PLEKHM1: variants seen among roughly 807,000 people sequenced by gnomAD.
The protein encoded by PLEKHM1 is pleckstrin homology and RUN domain containing M1, also known as pleckstrin homology domain-containing family M member 1.
PLEKHM1 carries 28 observed loss-of-function variants against 94.3 expected under a neutral mutation model. The observed-to-expected ratio is 0.30, with a 90% CI of 0.22 to 0.41. PLEKHM1 has a LOEUF of 0.41. Ranked by LOEUF, PLEKHM1 falls within the 10% of genes least tolerant of loss-of-function variation. The pLI is 1.00. For missense variants in PLEKHM1, 907 were observed against 1,358.6 expected (o/e 0.67, Z 5.22); for synonymous variants, 424 against 581.2 (o/e 0.73, Z 3.89).
At chr17:45,471,633 A>G (rs2051516273) in intron 4 of PLEKHM1, among the ~76,000 whole-genome samples, 3 of 151,968 alleles carry the variant, frequency 2.0e-5, no homozygotes, top group South Asian at 4.1e-4. Flanking sequence ...GCAGGCCCCT[A>G]TAATCCCAGC....
chr17:45,455,517 C>G (rs2145226837), intron 6 of PLEKHM1, among the ~76,000 whole-genome samples: 1 of 152,240 alleles, frequency 6.6e-6, no homozygotes, highest in East Asian at 1.9e-4. Context: ...TCTCAGCTGA[C>G]ATGTCCAGGA....
intron 7 of PLEKHM1, among the ~76,000 whole-genome samples, chr17:45,451,778 G>A (rs1349600857): frequency 6.6e-6 from 1 of 152,098 alleles, no homozygotes; most frequent in East Asian, 1.9e-4. Context: ...CATGGTGAGA[G>A]TTGCCCCCGC....
chr17:45,465,837 G>A (rs866491404), intron 5 of PLEKHM1, among the ~76,000 whole-genome samples: 23 of 151,994 alleles, frequency 1.5e-4, no homozygotes, highest in Non-Finnish European at 2.6e-4. Context: ...CAGCTTTGAG[G>A]CCCTGGCAAG....
intron 5 of PLEKHM1, among the ~76,000 whole-genome samples, chr17:45,461,958 T>C: frequency 6.6e-6 from 1 of 152,122 alleles, no homozygotes; most frequent in Non-Finnish European, 1.5e-5. Context: ...CCACTCTAAG[T>C]GGCTGTGTAC....
At chr17:45,473,089 A>G (rs2051568560) in intron 4 of PLEKHM1, among the ~76,000 whole-genome samples, 1 of 152,016 alleles carries the variant, frequency 6.6e-6, no homozygotes, top group Non-Finnish European at 1.5e-5. Flanking sequence ...TAAATGGGCA[A>G]TAATCTGTGA....
intron 1 of PLEKHM1, among the ~76,000 whole-genome samples, chr17:45,486,580 A>G (rs1197967617): frequency 6.6e-6 from 1 of 152,154 alleles, no homozygotes; most frequent in Admixed American, 6.5e-5. Context: ...TCTCAAAAAA[A>G]AAAATTAATA....
chr17:45,484,265 C>G, intron 1 of PLEKHM1, among the ~76,000 whole-genome samples: 1 of 152,026 alleles, frequency 6.6e-6, no homozygotes, highest in Non-Finnish European at 1.5e-5. Context: ...GCAGAGATTC[C>G]CTTCCCTTTC....
intron 5 of PLEKHM1, among the ~76,000 whole-genome samples, chr17:45,462,833 G>A (rs968702467): frequency 2.6e-5 from 4 of 152,190 alleles, no homozygotes; most frequent in Non-Finnish European, 5.9e-5. Context: ...TGTAATCCCA[G>A]CACTTTGGGA....
In PLEKHM1 at chr17:45,476,059, A is replaced by G. The variant is rs1459863661; in HGVS notation, c.297-333T>C. Reference sequence around the variant, plus strand: ...CCAGCTACTCGGGAGGTTGAGGTGGAAGGATAGCTTGAGCCTGGGAAGCAA... The same window carrying G: ...CCAGCTACTCGGGAGGTTGAGGTGGGAGGATAGCTTGAGCCTGGGAAGCAA... On this transcript the variant is annotated intron_variant, in intron 3 of 11. Transcript: ENST00000430334. 1.3e-4 allele frequency: 50 copies of G among 375,614 alleles called. No individual in the cohort carries two copies. The Admixed American group carries it at 2.0e-3, about 15-fold the overall frequency. The allele number at this position is 375,614 out of a possible 1,614,324, so 23.3% of individuals were successfully genotyped here. A position where few individuals can be genotyped will look rare whatever the true frequency, so the allele number is the denominator to read the frequency against.
rs2050822315 is a variant in PLEKHM1 at position 45,453,160 on chromosome 17, A to G, written c.2497+195T>C. 2 of 639,894 alleles carry G rather than the reference A, an allele frequency of 3.1e-6. No individual in the cohort carries two copies. Among genetic ancestry groups the G allele is most frequent in the Non-Finnish European group, 5.6e-6 (2 of 355,970 alleles). The allele number at this position is 639,894 out of a possible 1,614,324, so 39.6% of individuals were successfully genotyped here. A position where few individuals can be genotyped will look rare whatever the true frequency, so the allele number is the denominator to read the frequency against. On this transcript the variant is annotated intron_variant, in intron 7 of 11. Transcript: ENST00000430334. This position sits in a 1 kb window ranked among gnomAD's most constrained non-coding sequence, Gnocchi z 4.1. ...GACGGGTGAGCAGGGCCCACTGCCTATGAGCAGGGCACTGGCCCCAGCCGG... is the reference window on the plus strand; with the variant it reads ...GACGGGTGAGCAGGGCCCACTGCCTGTGAGCAGGGCACTGGCCCCAGCCGG...
chr17:45,438,393 G>A (rs1156616336), intron 11 of PLEKHM1, among the ~76,000 whole-genome samples: 1 of 151,814 alleles, frequency 6.6e-6, no homozygotes, highest in Non-Finnish European at 1.5e-5. Context: ...TTAGCCGGGC[G>A]TGGCGGTGTG....
chr17:45,439,269 C>T (rs1390445516), intron 11 of PLEKHM1, among the ~76,000 whole-genome samples: 1 of 152,258 alleles, frequency 6.6e-6, no homozygotes, highest in Non-Finnish European at 1.5e-5. Context: ...GAAAGCTTGT[C>T]TTGTCCCCTG....
rs537727980 is a variant in PLEKHM1, at chr17:45,468,087, C to G, written c.1308+122G>C. 31 of 1,074,660 alleles carry G rather than the reference C, an allele frequency of 2.9e-5. No individual in the cohort carries two copies. The Admixed American group carries it at 5.8e-4, about 20-fold the overall frequency. The allele number at this position is 1,074,660 out of a possible 1,614,324, so 66.6% of individuals were successfully genotyped here. On this transcript the variant is annotated intron_variant, in intron 5 of 11. Transcript: ENST00000430334. ...CATCATGATGCTATTAACACTATCACTATGCAGGGAGAGGAAGGCTAACAG... is the reference window on the plus strand; with the variant it reads ...CATCATGATGCTATTAACACTATCAGTATGCAGGGAGAGGAAGGCTAACAG...
rs368663347 is a variant in PLEKHM1 at position 45,485,988 on chromosome 17, C to G, written c.-41-3463G>C. On this transcript the variant is annotated intron_variant, in intron 1 of 11. Transcript: ENST00000430334. The stretch of plus-strand genomic sequence containing the variant: ...TCCCAGCACTTTGGGAGGCCGAGGC[C>G]GGCGGATCACGAGGTCAGGAGATCG... 1.5e-3 allele frequency among the ~76,000 whole-genome samples: 213 copies of G among 139,892 alleles called. No individual in the cohort carries two copies. In the Middle Eastern group the frequency reaches 0.021, roughly 14 times the overall value. The allele number at this position is 139,892 out of a possible 152,430, so 91.8% of individuals were successfully genotyped here.
chr17:45,470,813 A>G (rs1384097052), intron 4 of PLEKHM1, among the ~76,000 whole-genome samples: 1 of 151,098 alleles, frequency 6.6e-6, no homozygotes, highest in Non-Finnish European at 1.5e-5. Flanking sequence ...CGCCCGCCAC[A>G]ACGCCCAGCT....
chr17:45,482,620 C>A (rs2051989132), intron 1 of PLEKHM1, 95 bp from the exon 2 acceptor site: 3 of 735,390 alleles, frequency 4.1e-6, no homozygotes, highest in Non-Finnish European at 5.0e-6. Context: ...GCCTCTCTTA[C>A]TCAAACTGCA....
intron 8 of PLEKHM1, among the ~76,000 whole-genome samples, chr17:45,449,417 C>T (rs1175300207): frequency 6.6e-6 from 1 of 152,058 alleles, no homozygotes; most frequent in African/African-American, 2.4e-5. Flanking sequence ...TAACCATCTA[C>T]CCATCTAGCC....
intron 8 of PLEKHM1, among the ~76,000 whole-genome samples, chr17:45,449,417 CCCATCTAG>C (rs1301032390): frequency 6.6e-6 from 1 of 152,058 alleles, no homozygotes; most frequent in Non-Finnish European, 1.5e-5. Flanking sequence ...TAACCATCTA[CCCATCTAG>C]CCATCTGCCC....
chr17:45,469,486 C>T (rs1175053142), intron 4 of PLEKHM1, among the ~76,000 whole-genome samples: 2 of 152,158 alleles, frequency 1.3e-5, no homozygotes, highest in South Asian at 2.1e-4. Flanking sequence ...AAAATAAACC[C>T]GTTTGCTATC....
Sources: gnomAD v4.1 joint callset for allele counts (sites outside exome capture counted in the v4.1 genomes callset) on GRCh38, gnomAD v4.1.1 for gene constraint, Gnocchi (gnomAD v3.1) non-coding constraint, MANE v1.5 for transcripts, NCBI Gene and HGNC (gene_info 2026-07-23, HGNC 2026-07-21) for gene names.